Variants in SGPP1 observed in about 807,000 individuals in gnomAD.
The protein encoded by SGPP1 is hSPP1.
In SGPP1, 21 loss-of-function variants were observed where a neutral mutation model predicts 33.0. That is an observed-to-expected ratio of 0.64 (90% CI 0.45 to 0.92). The LOEUF is 0.92. SGPP1 is among the 40% of genes least tolerant of loss of function. The probability of loss-of-function intolerance (pLI) is 0.00; values close to 1 mark genes in which losing one functional copy is unlikely to be tolerated. For synonymous variants in SGPP1, 239 were observed against 241.2 expected, an observed-to-expected ratio of 0.99 and a Z score of 0.08; for missense variants, 543 against 589.4, an observed-to-expected ratio of 0.92 and a Z score of 0.81.
Position 63,727,959 on chromosome 14 carries a change from C to A in SGPP1, c.-15G>T, listed in dbSNP as rs1423955974. 4.6e-6 allele frequency: 7 copies of A among 1,538,110 alleles called. No individual in the cohort carries two copies. The highest frequency in any genetic ancestry group is 3.8e-5 in the Admixed American group (2 of 52,144). On this transcript the variant is annotated 5_prime_UTR_variant, in exon 1 of 3. Transcript: ENST00000247225. ...CTCAGCGACATGATAACGGAACCCC[C>A]GGGAAGGCGGGCCGGCCTCCGGCGC... is the stretch of plus-strand genomic sequence containing the variant.
intron 1 of SGPP1, among the ~76,000 whole-genome samples, chr14:63,718,996 A>G (rs1314517201): frequency 1.6e-4 from 3 of 19,010 alleles, no homozygotes; most frequent in Non-Finnish European, 3.1e-4. Flanking sequence ...ATATATATAT[A>G]TATATATATA....
At chr14:63,716,698 CTT>C (rs113716596) in intron 1 of SGPP1, among the ~76,000 whole-genome samples, 8 of 142,848 alleles carry the variant, frequency 5.6e-5, no homozygotes, top group Admixed American at 7.0e-5. Flanking sequence ...CCCAATAATA[CTT>C]TTTTTTTTTT....
intron 1 of SGPP1, among the ~76,000 whole-genome samples, chr14:63,719,358 T>C (rs1249211014): frequency 6.6e-6 from 1 of 151,946 alleles, no homozygotes; most frequent in Middle Eastern, 3.2e-3. Flanking sequence ...GGAATATCAA[T>C]AAATTTGATA....
rs1885912381 is a variant in SGPP1, at chr14:63,727,577, A to C, written c.368T>G (p.Val123Gly). The C allele has an allele frequency of 3.1e-6, 5 of 1,598,182 alleles. No individual in the cohort carries two copies. In the South Asian group the frequency reaches 4.5e-5, roughly 14 times the overall value. Residue 123 changes from valine to glycine, a missense_variant, in exon 1 of 3, where the codon GTG becomes GGG. By Grantham distance (109) the Val-to-Gly change is moderately radical. Coordinates refer to ENST00000247225, the MANE Select transcript of SGPP1 (RefSeq NM_030791.4). ...LTGEEGQLAR[V>G]SNWPLYCLFC... ...CAGGCAGTAGAGCGGCCAGTTGCTC[A>C]CGCGGGCCAGCTGGCCCTCCTCGCC...
intron 1 of SGPP1, among the ~76,000 whole-genome samples, chr14:63,714,446 A>G (rs760713624): frequency 2.0e-5 from 3 of 151,982 alleles, no homozygotes; most frequent in Non-Finnish European, 4.4e-5. Context: ...TTACTAATGG[A>G]GTCTCGTTCT....
chr14:63,718,969 T>C (rs1362106002), intron 1 of SGPP1, among the ~76,000 whole-genome samples: 1 of 106,300 alleles, frequency 9.4e-6, no homozygotes, highest in East Asian at 2.5e-4. Flanking sequence ...TTCATATATA[T>C]GTATATACAT....
Position 63,727,659 on chromosome 14 carries a change from C to T in SGPP1, c.286G>A (p.Glu96Lys). The change falls in exon 1 of 3, where the codon GAG (glutamate) becomes AAG (lysine). Residue 96 changes from glutamate (E) to lysine (K), a missense_variant. Transcript: ENST00000247225. ...CGCCGCGGCGAGGCCGGGCCCAGCT[C>T]GGCCGCCAGCCCGTTCCGCACGCCG... The part of the protein sequence containing the change: ...PNGVRNGLAA[E>K]LGPASPRRAG... The T allele has an allele frequency of 1.5e-6, 2 of 1,344,706 alleles. No individual in the cohort carries two copies. Among genetic ancestry groups the T allele is most frequent in the Admixed American group, 8.2e-5 (2 of 24,400 alleles). The allele number at this position is 1,344,706 out of a possible 1,614,324, so 83.3% of individuals were successfully genotyped here.
At chr14:63,719,819 A>T (rs1166048303) in intron 1 of SGPP1, among the ~76,000 whole-genome samples, 1 of 142,654 alleles carries the variant, frequency 7.0e-6, no homozygotes, top group African/African-American at 2.7e-5. Flanking sequence ...TGTTGGACTT[A>T]AAAAAAAAAA....
At position 63,686,157 on chromosome 14, in the gene SGPP1, A is replaced by G; in HGVS notation, c.1274T>C (p.Phe425Ser). The change falls in exon 3 of 3, where the codon TTC becomes TCC. Residue 425 changes from phenylalanine to serine, a missense_variant. Phe to Ser is a radical substitution (Grantham distance 155). Coordinates refer to ENST00000247225, the MANE Select transcript of SGPP1 (RefSeq NM_030791.4). ...YRYITYGMVGFSITFFVPYIF... is the reference protein window; with the variant it reads ...YRYITYGMVGSSITFFVPYIF... Reference sequence around the variant, plus strand: ...GTAAGGAACAAAAAATGTGATGGAGAAACCAACCATTCCATAGGTAATATA... The same window carrying G: ...GTAAGGAACAAAAAATGTGATGGAGGAACCAACCATTCCATAGGTAATATA... 1 of 1,610,820 alleles carries G rather than the reference A, an allele frequency of 6.2e-7. No individual in the cohort carries two copies. Among genetic ancestry groups the G allele is most frequent in the Admixed American group, 1.7e-5 (1 of 59,284 alleles).
chr14:63,696,667 C>T (rs191017373), intron 2 of SGPP1, among the ~76,000 whole-genome samples: 39 of 152,218 alleles, frequency 2.6e-4, no homozygotes, highest in African/African-American at 9.4e-4. Context: ...TATAAAAAGT[C>T]AAACACAAAT....
intron 1 of SGPP1, among the ~76,000 whole-genome samples, chr14:63,722,057 CCT>C (rs1885781968): frequency 6.6e-6 from 1 of 152,126 alleles, no homozygotes; most frequent in Non-Finnish European, 1.5e-5. Flanking sequence ...AGTCTGAGCC[CCT>C]GACACTTACT....
At chr14:63,712,771 GATCCTCCTGAGTAGCTGGGACTATA>G (rs200908074) in intron 1 of SGPP1, among the ~76,000 whole-genome samples, 6,916 of 151,224 alleles carry the variant, frequency 0.046, 264 homozygotes, top group African/African-American at 0.099. Context: ...GGACTCAAGT[GATCCTCCTGAGTAGCTGGGACTATA>G]ATCCCAGCTA....
intron 1 of SGPP1, among the ~76,000 whole-genome samples, chr14:63,717,599 G>A (rs1033630318): frequency 3.9e-5 from 6 of 152,152 alleles, no homozygotes; most frequent in African/African-American, 1.4e-4. Flanking sequence ...TGGGATTACA[G>A]GCATGAGCCA....
At chr14:63,721,925 AG>A (rs1361094112) in intron 1 of SGPP1, among the ~76,000 whole-genome samples, 2 of 152,238 alleles carry the variant, frequency 1.3e-5, no homozygotes, top group African/African-American at 4.8e-5. Flanking sequence ...GGTATATAAA[AG>A]CTATTCTCAT....
intron 1 of SGPP1, among the ~76,000 whole-genome samples, chr14:63,726,794 C>T (rs1356882770): frequency 2.0e-5 from 3 of 152,198 alleles, no homozygotes; most frequent in African/African-American, 7.2e-5. Flanking sequence ...TGGAATTACA[C>T]TAACGTTTTG....
At chr14:63,698,523 C>A in intron 2 of SGPP1, 46 bp downstream of exon 2, 2 of 1,068,006 alleles carry the variant, frequency 1.9e-6, no homozygotes, top group South Asian at 3.1e-5. Context: ...AATTTCCTGT[C>A]AATGTCATAA....
rs1226943850 is a variant in SGPP1 at position 63,686,124 on chromosome 14, A to G, written c.1307T>C (p.Phe436Ser). Reference sequence around the variant, plus strand: ...TCTCCATCAAGAGATACCAATAAAGAAAAATATGTAAGGAACAAAAAATGT... The same window carrying G: ...TCTCCATCAAGAGATACCAATAAAGGAAAATATGTAAGGAACAAAAAATGT... ...SITFFVPYIF[F>S]FIGIS Residue 436 changes from phenylalanine (F) to serine (S), a missense_variant, in exon 3 of 3, where the codon TTC becomes TCC. Phe to Ser is a radical substitution (Grantham distance 155). Coordinates refer to ENST00000247225, the MANE Select transcript of SGPP1 (RefSeq NM_030791.4). 8 of 1,596,430 alleles carry G rather than the reference A, an allele frequency of 5.0e-6. No individual in the cohort carries two copies. Among genetic ancestry groups the G allele is most frequent in the Non-Finnish European group, 6.8e-6 (8 of 1,170,250 alleles).
Position 63,716,577 on chromosome 14 carries a change from T to C in SGPP1, c.684+10684A>G, listed in dbSNP as rs139453888. On this transcript the variant is annotated intron_variant, in intron 1 of 2. Coordinates refer to ENST00000247225, the MANE Select transcript of SGPP1 (RefSeq NM_030791.4). ...GCATGGTGGCACACACCTGCAGTCCTAGCTACTCTGGATGCTGAGGCAGGA... is the reference window on the plus strand; with the variant it reads ...GCATGGTGGCACACACCTGCAGTCCCAGCTACTCTGGATGCTGAGGCAGGA... 5.9e-3 allele frequency among the ~76,000 whole-genome samples: 902 copies of C among 152,078 alleles called. 12 individuals carry two copies. The highest frequency in any genetic ancestry group is 0.021 in the African/African-American group (875 of 41,512).
intron 2 of SGPP1, among the ~76,000 whole-genome samples, chr14:63,688,338 AAAAAAT>A (rs1262754473): frequency 1.3e-5 from 2 of 149,602 alleles, no homozygotes; most frequent in African/African-American, 4.9e-5. Context: ...AAAAAAAAAA[AAAAAAT>A]TTTAAAAGAA....
Sources: allele counts gnomAD v4.1 joint callset (sites outside exome capture counted in the v4.1 genomes callset), GRCh38; gene constraint gnomAD v4.1.1; transcripts MANE v1.5; gene names NCBI Gene and HGNC (gene_info 2026-07-23, HGNC 2026-07-21).